The following ANO3 variants were observed in gnomAD, a reference collection of about 807,000 sequenced individuals.
The protein encoded by ANO3 is anoctamin-3.
In ANO3, 99 loss-of-function variants were observed where a neutral mutation model predicts 144.8. That is an observed-to-expected ratio of 0.68 (90% confidence interval 0.58 to 0.81). The LOEUF (loss-of-function observed/expected upper bound fraction) is 0.81. Among genes scored for constraint, ANO3 ranks in the 30% least tolerant of loss-of-function variants. The probability of loss-of-function intolerance (pLI) is 0.00; values close to 1 mark genes in which losing one functional copy is unlikely to be tolerated. For synonymous variants in ANO3, 414 were observed against 392.6 expected, an observed-to-expected ratio of 1.05 and a Z score of -0.64; for missense variants, 905 against 1,202.2, an observed-to-expected ratio of 0.75 and a Z score of 3.66.
At chr11:26,358,952 G>A (rs1413312456) in intron 1 of ANO3, among the ~76,000 whole-genome samples, 1 of 151,956 alleles carries the variant, frequency 6.6e-6, no homozygotes, top group Non-Finnish European at 1.5e-5. Flanking sequence ...TGTCTTCCAT[G>A]TTTCTTCTTA....
intron 4 of ANO3, among the ~76,000 whole-genome samples, chr11:26,482,873 C>G (rs1195457655): frequency 1.3e-5 from 2 of 152,074 alleles, no homozygotes; most frequent in Non-Finnish European, 2.9e-5. Flanking sequence ...TGAGTTGTTT[C>G]CCTTAAGAGA....
At chr11:26,461,838 C>T (rs917911888) in intron 3 of ANO3, among the ~76,000 whole-genome samples, 18 of 151,944 alleles carry the variant, frequency 1.2e-4, no homozygotes, top group African/African-American at 4.1e-4. Context: ...AAGTTGTCAT[C>T]AGAATGAAAG....
chr11:26,591,119 CG>C (rs1269080990), intron 14 of ANO3, among the ~76,000 whole-genome samples: 1 of 152,064 alleles, frequency 6.6e-6, no homozygotes, highest in Non-Finnish European at 1.5e-5. Flanking sequence ...TTACAAGCCC[CG>C]TGTTTAAAGG....
intron 1 of ANO3, among the ~76,000 whole-genome samples, chr11:26,259,227 A>AT (rs1199040618): frequency 6.6e-6 from 1 of 152,150 alleles, no homozygotes; most frequent in Non-Finnish European, 1.5e-5. Flanking sequence ...GATTGAATAG[A>AT]TTGACTCTTG....
chr11:26,603,220 A>G (rs1291327799), intron 17 of ANO3, among the ~76,000 whole-genome samples: 1 of 152,166 alleles, frequency 6.6e-6, no homozygotes, highest in East Asian at 1.9e-4. Flanking sequence ...TATATACATA[A>G]TAGTGGCAAG....
rs199595775 is a variant in ANO3 at position 26,553,358 on chromosome 11, C to G, written c.1386+13C>G. 1 of 1,566,476 alleles carries G rather than the reference C, an allele frequency of 6.4e-7. No homozygotes were observed. Among genetic ancestry groups the G allele is most frequent in the Admixed American group, 1.7e-5 (1 of 59,410 alleles). On this transcript the variant is annotated intron_variant, in intron 13 of 26. Transcript: ENST00000256737. ...TATCTATGCCAAGGTGAGTGTGGAC[C>G]CTCACATTCTCCTCCCTGAGCTGTA... is the stretch of plus-strand genomic sequence containing the variant.
intron 1 of ANO3, among the ~76,000 whole-genome samples, chr11:26,352,528 G>T (rs1855674724): frequency 6.6e-6 from 1 of 151,726 alleles, no homozygotes; most frequent in South Asian, 2.1e-4. Context: ...TTTTCCTTCA[G>T]AATTTCAGAT....
chr11:26,191,515 T>C (rs570545731), intron 1 of ANO3, among the ~76,000 whole-genome samples: 1 of 152,208 alleles, frequency 6.6e-6, no homozygotes, highest in African/African-American at 2.4e-5. Context: ...GGCTAGGAAA[T>C]ATTTCCCGAA....
chr11:26,527,805 C>A (rs959771916), intron 7 of ANO3, among the ~76,000 whole-genome samples: 1 of 151,988 alleles, frequency 6.6e-6, no homozygotes, highest in Non-Finnish European at 1.5e-5. Context: ...ATTATTAAAC[C>A]ATCTTAAAAA....
chr11:26,628,170 A>G (rs77409316), intron 18 of ANO3, among the ~76,000 whole-genome samples: 1,871 of 152,234 alleles, frequency 0.012, 44 homozygotes, highest in African/African-American at 0.042. Context: ...TTTCTTAATA[A>G]TGAACTGTCT....
intron 14 of ANO3, among the ~76,000 whole-genome samples, chr11:26,595,583 G>T (rs1051441323): frequency 6.9e-6 from 1 of 145,134 alleles, no homozygotes; most frequent in Non-Finnish European, 1.5e-5. Flanking sequence ...GCTTCCACAA[G>T]AGTCTCCCTA....
At chr11:26,538,534 A>T (rs1849567712) in intron 10 of ANO3, among the ~76,000 whole-genome samples, 1 of 152,200 alleles carries the variant, frequency 6.6e-6, no homozygotes, top group Non-Finnish European at 1.5e-5. Context: ...CAGATAGCAC[A>T]TAATAAATGG....
intron 18 of ANO3, among the ~76,000 whole-genome samples, chr11:26,629,672 C>A (rs1054002609): frequency 3.9e-5 from 6 of 152,030 alleles, no homozygotes; most frequent in African/African-American, 4.8e-5. Context: ...GCTCTTGTTG[C>A]CCAGGCTGGA....
At chr11:26,277,344 A>G (rs536656944) in intron 1 of ANO3, among the ~76,000 whole-genome samples, 6 of 152,180 alleles carry the variant, frequency 3.9e-5, no homozygotes, top group Admixed American at 3.3e-4. Context: ...GCTACATTGA[A>G]ACTTTAGCAT....
chr11:26,267,825 G>C lies in ANO3; in HGVS notation c.155-41820G>C, dbSNP rs1483130957. 1.3e-5 allele frequency among the ~76,000 whole-genome samples: 2 copies of C among 151,976 alleles called. 1 individual carries two copies. The highest frequency in any genetic ancestry group is 4.1e-4 in the South Asian group (2 of 4,822). On this transcript the variant is annotated intron_variant, in intron 1 of 27. Transcript: ENST00000672621. ...CTGGAGAAAAGTCCTGAGATTAAAA[G>C]CTTCTGCTTGCCCTAATTCTCTCTA... is the stretch of plus-strand genomic sequence containing the variant.
At chr11:26,572,101 A>G in intron 14 of ANO3, 1 of 985,414 alleles carries the variant, frequency 1.0e-6, no homozygotes, top group Non-Finnish European at 1.2e-6. Context: ...CCTGTCTGAA[A>G]GGAATCTGTC....
chr11:26,392,275 G>A (rs1856902505), intron 1 of ANO3, among the ~76,000 whole-genome samples: 1 of 141,064 alleles, frequency 7.1e-6, no homozygotes, highest in Admixed American at 7.3e-5. Context: ...GGCATCTAAT[G>A]TGTTGGGCTT....
chr11:26,570,777 T>C (rs370539847), intron 14 of ANO3, among the ~76,000 whole-genome samples: 3 of 152,100 alleles, frequency 2.0e-5, no homozygotes, highest in Non-Finnish European at 2.9e-5. Flanking sequence ...AGAACTTGAG[T>C]GTTACTCTGA....
intron 20 of ANO3, among the ~76,000 whole-genome samples, chr11:26,635,276 T>G (rs532122466): frequency 6.6e-6 from 1 of 152,234 alleles, no homozygotes; most frequent in South Asian, 2.1e-4. Context: ...CTCAGCTCTA[T>G]TTTTTTAATC....
Sources: gnomAD v4.1 joint callset for allele counts (sites outside exome capture counted in the v4.1 genomes callset) on GRCh38, gnomAD v4.1.1 for gene constraint, MANE v1.5 for transcripts, NCBI Gene and HGNC (gene_info 2026-07-23, HGNC 2026-07-21) for gene names.